The following TXN variants were observed in gnomAD, a reference collection of about 807,000 sequenced individuals.
TXN encodes thioredoxin.
In TXN, 10 loss-of-function variants were observed where a neutral mutation model predicts 16.5. The observed-to-expected ratio is 0.61, with a 90% confidence interval of 0.37 to 1.03. The LOEUF (loss-of-function observed/expected upper bound fraction) is 1.03, where lower values mean the gene tolerates loss of function less well. Among genes scored for constraint, TXN ranks in the 50% least tolerant of loss-of-function variants. TXN has a pLI of 0.01. For synonymous variants in TXN, 35 were observed against 39.4 expected, an observed-to-expected ratio of 0.89 and a Z score of 0.42; for missense variants, 71 against 122.5, an observed-to-expected ratio of 0.58 and a Z score of 1.98.
intron 1 of TXN, among the ~76,000 whole-genome samples, chr9:110,253,081 C>T (rs1837762402): frequency 1.3e-5 from 2 of 151,730 alleles, no homozygotes; most frequent in Admixed American, 6.6e-5. Context: ...TCCCCGCCCC[C>T]CACCGCCACA....
chr9:110,255,731 G>A (rs901836032), intron 1 of TXN, among the ~76,000 whole-genome samples: 5 of 152,206 alleles, frequency 3.3e-5, no homozygotes. Flanking sequence ...GGACAGACCT[G>A]CACGTGCCAG....
rs374781991 is a variant in TXN at position 110,256,483 on chromosome 9, G to A, written c.-48C>T. On this transcript the variant is annotated 5_prime_UTR_variant, in exon 1 of 5. Coordinates refer to ENST00000374517, the MANE Select transcript of TXN (RefSeq NM_003329.4). The surrounding 1 kb of genome is among the most constrained non-coding windows in gnomAD (Gnocchi z 4.2). ...GCGGCTGTAAGGACCGATGGAAATG[G>A]ATCCAAAGCACCAAACAGAGCTTCA... 1.9e-6 allele frequency: 3 copies of A among 1,585,010 alleles called. No homozygotes were observed. The highest frequency in any genetic ancestry group is 2.3e-5 in the East Asian group (1 of 43,364).
rs1554695822 is a variant in TXN at position 110,252,223 on chromosome 9, C to CAAAAAAGAAAAAAAAAAAAA, written c.25-762_25-761insTTTTTTTTTTTTTCTTTTTT. 7.0e-4 allele frequency among the ~76,000 whole-genome samples: 41 copies of CAAAAAAGAAAAAAAAAAAAA among 58,358 alleles called. 2 individuals carry two copies. Among genetic ancestry groups the CAAAAAAGAAAAAAAAAAAAA allele is most frequent in the Middle Eastern group, 0.013 (1 of 78 alleles). The allele number at this position is 58,358 out of a possible 152,430, so 38.3% of individuals were successfully genotyped here. On this transcript the variant is annotated intron_variant, in intron 1 of 4. Coordinates refer to ENST00000374517, the MANE Select transcript of TXN (RefSeq NM_003329.4). ...TGGGCAATAGACGGAGACTCTGTCGCAAAAAAAAAAAAAAAAAAAAAAGCT... is the reference window on the plus strand; with the variant it reads ...TGGGCAATAGACGGAGACTCTGTCGCAAAAAAGAAAAAAAAAAAAAAAAAAAAAAAAAAAAAAAAAAAGCT...
chr9:110,249,707 C>T (rs1012384492), intron 3 of TXN, among the ~76,000 whole-genome samples: 1 of 152,158 alleles, frequency 6.6e-6, no homozygotes, highest in African/African-American at 2.4e-5. Context: ...GGGGTTGTTG[C>T]GCCCTCCCAT....
chr9:110,244,098 A>T lies in TXN; in HGVS notation c.*59T>A, dbSNP rs1837614248. On this transcript the variant is annotated 3_prime_UTR_variant, in exon 5 of 5. Coordinates refer to ENST00000374517, the MANE Select transcript of TXN (RefSeq NM_003329.4). ...GTCTTCATATTTTATATTTTTGTAA[A>T]TTAAAAAAATTACAAGTTTTAAATA... The T allele has an allele frequency of 2.8e-6, 3 of 1,072,486 alleles. No individual in the cohort carries two copies. Among genetic ancestry groups the T allele is most frequent in the Non-Finnish European group, 3.8e-6 (3 of 784,902 alleles). 66.4% of individuals were successfully genotyped at this position (1,072,486 alleles called of 1,614,324 possible).
intron 1 of TXN, among the ~76,000 whole-genome samples, chr9:110,255,547 C>T (rs149242622): frequency 2.6e-5 from 4 of 152,226 alleles, no homozygotes; most frequent in Non-Finnish European, 5.9e-5. Flanking sequence ...GCAAAACCCA[C>T]CGACTGAGGG....
chr9:110,248,236 C>T (rs886751786), intron 3 of TXN, among the ~76,000 whole-genome samples: 1 of 152,114 alleles, frequency 6.6e-6, no homozygotes, highest in South Asian at 2.1e-4. Context: ...GTGTTTATAA[C>T]GTCTACAGGT....
In TXN at chr9:110,245,908, T is replaced by C. The variant is rs1837653448; in HGVS notation, c.190-1065A>G. On this transcript the variant is annotated intron_variant, in intron 3 of 4. Coordinates refer to ENST00000374517, the MANE Select transcript of TXN (RefSeq NM_003329.4). ...GGAGAAACCCCATCTCTACTAAAAA[T>C]ACAAAAATTAGCCAGGTGTGGTGGC... is the stretch of plus-strand genomic sequence containing the variant. 3.3e-5 allele frequency among the ~76,000 whole-genome samples: 5 copies of C among 151,656 alleles called. No individual in the cohort carries two copies. In the South Asian group the frequency reaches 1.0e-3, roughly 32 times the overall value.
intron 3 of TXN, among the ~76,000 whole-genome samples, chr9:110,248,144 TAAA>T (rs565618746): frequency 2.8e-3 from 431 of 152,158 alleles, no homozygotes; most frequent in African/African-American, 9.8e-3. Context: ...GTTAAAAAAA[TAAA>T]AAAACTATAA....
chr9:110,250,750 G>T, intron 3 of TXN, 70 bp downstream of exon 3: 1 of 1,154,406 alleles, frequency 8.7e-7, no homozygotes, highest in Non-Finnish European at 1.3e-6. Context: ...ATGGAAAAAA[G>T]CACTGTGCAA....
chr9:110,255,161 C>G (rs1027650930), intron 1 of TXN, among the ~76,000 whole-genome samples: 9 of 152,154 alleles, frequency 5.9e-5, no homozygotes, highest in Non-Finnish European at 1.0e-4. Flanking sequence ...CGAAGCCCAC[C>G]CGGCACCAAA....
chr9:110,244,248 G>C, intron 4 of TXN, 29 bp from the exon 5 acceptor site: 1 of 1,399,010 alleles, frequency 7.1e-7, no homozygotes, highest in Non-Finnish European at 9.6e-7. Flanking sequence ...ATTGACATTA[G>C]ACGTAGCACT....
At chr9:110,251,301 G>T in intron 2 of TXN, 57 bp downstream of exon 2, 1 of 1,293,362 alleles carries the variant, frequency 7.7e-7, no homozygotes, top group Non-Finnish European at 1.1e-6. Flanking sequence ...CTACCACTGT[G>T]ACCACCAACT....
chr9:110,253,195 T>C (rs1217983130), intron 1 of TXN, among the ~76,000 whole-genome samples: 1 of 152,078 alleles, frequency 6.6e-6, no homozygotes, highest in Non-Finnish European at 1.5e-5. Flanking sequence ...TGACCTCATG[T>C]ACTAATAGTT....
chr9:110,253,914 G>C lies in TXN; in HGVS notation c.25-2452C>G, dbSNP rs4135176. 1.5e-3 allele frequency among the ~76,000 whole-genome samples: 233 copies of C among 151,948 alleles called. 1 individual carries two copies. Among genetic ancestry groups the C allele is most frequent in the African/African-American group, 4.7e-3 (196 of 41,408 alleles). On this transcript the variant is annotated intron_variant, in intron 1 of 4. Transcript: ENST00000374517. ...GGGGGAAGCAGAACAGTGTAGTTGG[G>C]GTAAATAGGAGCAAGAGTCTAAGAT...
intron 1 of TXN, among the ~76,000 whole-genome samples, chr9:110,255,600 C>A (rs1272458005): frequency 1.3e-5 from 2 of 152,230 alleles, no homozygotes; most frequent in African/African-American, 2.4e-5. Context: ...CCGGGCCCAA[C>A]CTTGGGGACT....
chr9:110,247,410 G>A (rs1037807946), intron 3 of TXN, among the ~76,000 whole-genome samples: 3 of 151,776 alleles, frequency 2.0e-5, no homozygotes, highest in Admixed American at 6.6e-5. Context: ...GGAAGTCCTC[G>A]AGTGCTTTGC....
intron 3 of TXN, among the ~76,000 whole-genome samples, chr9:110,248,318 G>A (rs944819348): frequency 1.3e-5 from 2 of 152,252 alleles, no homozygotes; most frequent in East Asian, 1.9e-4. Flanking sequence ...TGCAAGTCCC[G>A]TTTATGGCAA....
chr9:110,245,654 A>ATTTTTTTTTTT (rs1228829953), intron 3 of TXN, among the ~76,000 whole-genome samples: 3 of 21,786 alleles, frequency 1.4e-4, no homozygotes, highest in African/African-American at 5.9e-4. Context: ...ATATATATAT[A>ATTTTTTTTTTT]TTTTTTTTTT....
Sources: allele counts gnomAD v4.1 joint callset (sites outside exome capture counted in the v4.1 genomes callset), GRCh38; gene constraint gnomAD v4.1.1; non-coding constraint Gnocchi (gnomAD v3.1); transcripts MANE v1.5; gene names NCBI Gene and HGNC (gene_info 2026-07-23, HGNC 2026-07-21).